Variants in FURIN observed in about 807,000 individuals in gnomAD.
FURIN encodes the protein furin, paired basic amino acid cleaving enzyme.
Under a neutral mutation model 89.2 loss-of-function variants are expected in FURIN, and 18 were observed. The observed-to-expected ratio is 0.20, with a 90% confidence interval of 0.14 to 0.30. The LOEUF is 0.30. FURIN is among the 10% of genes least tolerant of loss of function. The probability of loss-of-function intolerance (pLI) is 1.00; values close to 1 mark genes in which losing one functional copy is unlikely to be tolerated. For missense variants in FURIN, 879 were observed against 1,100.5 expected, an observed-to-expected ratio of 0.80 and a Z score of 2.85; for synonymous variants, 508 against 466.4, an observed-to-expected ratio of 1.09 and a Z score of -1.15.
chr15:90,876,856 C>T lies in FURIN; in HGVS notation c.373-40C>T. On this transcript the variant is annotated intron_variant, in intron 4 of 15. Transcript: ENST00000268171. The surrounding 1 kb of genome is among the most constrained non-coding windows in gnomAD (Gnocchi z 5.0). ...CAAGATGCTCCTAGCCTCACAAAACCAATCATGTCTCATAAGTGATGGGGT... is the reference window on the plus strand; with the variant it reads ...CAAGATGCTCCTAGCCTCACAAAACTAATCATGTCTCATAAGTGATGGGGT... 6.2e-7 allele frequency: 1 copy of T among 1,608,068 alleles called. No individual in the cohort carries two copies. The highest frequency in any genetic ancestry group is 2.2e-5 in the East Asian group (1 of 44,754).
At chr15:90,875,251 C>T (rs2151221807) in intron 1 of FURIN, among the ~76,000 whole-genome samples, 1 of 152,054 alleles carries the variant, frequency 6.6e-6, no homozygotes, top group South Asian at 2.1e-4. Flanking sequence ...GCCAGGCTGG[C>T]CTCGAACTCC....
rs759992438 is a variant in FURIN at position 90,881,761 on chromosome 15, C to T, written c.2268C>T (p.Leu756=). 3.1e-6 allele frequency: 5 copies of T among 1,612,154 alleles called. No individual in the cohort carries two copies. In the South Asian group the frequency reaches 3.3e-5, roughly 11 times the overall value. ...AGGTGTACACCATGGACCGTGGCCT[C>T]ATCTCCTACAAGGGGCTGCCCCCTG... The part of the protein sequence containing the change: ...GVKVYTMDRG[L]ISYKGLPPEA... Residue 756 remains leucine (L), a synonymous_variant, in exon 16 of 16, where the codon CTC becomes CTT. Transcript: ENST00000268171. The surrounding 1 kb of genome is among the most constrained non-coding windows in gnomAD (Gnocchi z 4.3).
In FURIN at chr15:90,876,423, C is replaced by T; in HGVS notation, c.277-39C>T. Reference sequence around the variant, plus strand: ...TGCTCTCAGGAGCCCCTCTCGCCTCCTGCTCCACCCACACCATCTCTCCCT... The same window carrying T: ...TGCTCTCAGGAGCCCCTCTCGCCTCTTGCTCCACCCACACCATCTCTCCCT... On this transcript the variant is annotated intron_variant, in intron 3 of 15. Transcript: ENST00000268171. The surrounding 1 kb of genome is among the most constrained non-coding windows in gnomAD (Gnocchi z 5.0). 1 of 1,562,584 alleles carries T rather than the reference C, an allele frequency of 6.4e-7. No individual in the cohort carries two copies. The highest frequency in any genetic ancestry group is 8.8e-7 in the Non-Finnish European group (1 of 1,133,174).
chr15:90,876,749 C>A lies in FURIN; in HGVS notation c.373-147C>A. 1.1e-6 allele frequency: 1 copy of A among 938,254 alleles called. No homozygotes were observed. Among genetic ancestry groups the A allele is most frequent in the Non-Finnish European group, 1.6e-6 (1 of 607,520 alleles). 58.1% of individuals were successfully genotyped at this position (938,254 alleles called of 1,614,324 possible). A position where few individuals can be genotyped will look rare whatever the true frequency, so the allele number is the denominator to read the frequency against. On this transcript the variant is annotated intron_variant, in intron 4 of 15. Transcript: ENST00000268171. This position sits in a 1 kb window ranked among gnomAD's most constrained non-coding sequence, Gnocchi z 5.0. ...GCCCTCCCAGAGTCCTCTACATTCC[C>A]ATGGAGTCCAGACAGCCAGTGGCGG...
At position 90,881,078 on chromosome 15, in the gene FURIN, T is replaced by A; in HGVS notation, c.1792+38T>A. ...TGCTGTTGGGCTTTGGGGGCCTGAG[T>A]CTGGGGGTAAGGCGGGTGCCTGTCC... On this transcript the variant is annotated intron_variant, in intron 15 of 15. Transcript: ENST00000268171. This position sits in a 1 kb window ranked among gnomAD's most constrained non-coding sequence, Gnocchi z 4.3. The A allele has an allele frequency of 6.8e-7, 1 of 1,470,846 alleles. No individual in the cohort carries two copies. The highest frequency in any genetic ancestry group is 9.5e-7 in the Non-Finnish European group (1 of 1,049,456). 91.1% of individuals were successfully genotyped at this position (1,470,846 alleles called of 1,614,324 possible). A position where few individuals can be genotyped will look rare whatever the true frequency, so the allele number is the denominator to read the frequency against.
At chr15:90,871,490 C>CCT (rs1373567681) in intron 1 of FURIN, 3 of 2,242 alleles carry the variant, frequency 1.3e-3, no homozygotes, top group East Asian at 0.014. Flanking sequence ...CGCGCTGGGG[C>CCT]CCACGGCGCT....
chr15:90,880,684 T>A lies in FURIN; in HGVS notation c.1557-7T>A, dbSNP rs1180349536. 1.2e-6 allele frequency: 2 copies of A among 1,610,568 alleles called. No individual in the cohort carries two copies. The highest frequency in any genetic ancestry group is 4.5e-5 in the East Asian group (2 of 44,862). ...GGCCTCAGGGCTGTGTGCACTCCCC[T>A]CCCCAGGCCACATGACTACTCCGCA... On this transcript the variant is annotated splice_polypyrimidine_tract_variant and splice_region_variant and intron_variant, in intron 13 of 15. Transcript: ENST00000268171.
rs1051491919 is a variant in FURIN at position 90,868,590 on chromosome 15, C to A, written c.-281C>A. On this transcript the variant is annotated 5_prime_UTR_variant, in exon 1 of 16. Coordinates refer to ENST00000268171, the MANE Select transcript of FURIN (RefSeq NM_002569.4). ...AGAAGGTTTTCCCAAAGTGGTTTAG[C>A]CAGAACTGGAAGGGCCCCGCCCTGT... The A allele has an allele frequency of 6.6e-6, 1 of 152,224 alleles. No individual in the cohort carries two copies. The highest frequency in any genetic ancestry group is 1.5e-5 in the Non-Finnish European group (1 of 68,074). The allele number at this position is 152,224 out of a possible 1,614,324, so 9.4% of individuals were successfully genotyped here.
intron 13 of FURIN, 131 bp downstream of exon 13, chr15:90,880,404 A>G: frequency 1.3e-6 from 1 of 782,628 alleles, no homozygotes; most frequent in South Asian, 1.8e-5. Context: ...GCATTTTGGG[A>G]GGGACAATTT....
chr15:90,875,781 C>T lies in FURIN; in HGVS notation c.41C>T (p.Thr14Ile), dbSNP rs2031579228. 3.9e-6 allele frequency: 6 copies of T among 1,556,914 alleles called. No homozygotes were observed. Among genetic ancestry groups the T allele is most frequent in the Non-Finnish European group, 5.2e-6 (6 of 1,149,492 alleles). The change falls in exon 2 of 16, where the codon ACA becomes ATA. Residue 14 changes from threonine to isoleucine, a missense_variant. Thr to Ile is a moderately conservative substitution (Grantham distance 89, BLOSUM62 -1). Around this residue, in one of 5 missense-constraint regions of FURIN, gnomAD observed 125 missense variants for 125.0 expected, o/e 1.00. Transcript: ENST00000268171. ...RPWLLWVVAATGTLVLLAADA... is the reference protein window; with the variant it reads ...RPWLLWVVAAIGTLVLLAADA... Reference sequence around the variant, plus strand: ...TGGTTGCTATGGGTGGTAGCAGCAACAGGAACCTTGGTCCTGCTAGCAGCT... The same window carrying T: ...TGGTTGCTATGGGTGGTAGCAGCAATAGGAACCTTGGTCCTGCTAGCAGCT...
chr15:90,870,502 G>A (rs1259561096), intron 1 of FURIN, among the ~76,000 whole-genome samples: 1 of 152,104 alleles, frequency 6.6e-6, no homozygotes, highest in East Asian at 1.9e-4. Context: ...GGGAACCTGT[G>A]TTAAGGAGGC....
Position 90,879,702 on chromosome 15 carries a change from C to T in FURIN, c.1186C>T (p.Leu396=), listed in dbSNP as rs199652570. ...KNLTWRDMQH[L]VVQTSKPAHL... ...CCTCACATGGCGGGACATGCAACACCTGGTGGTACAGACCTCGAAGCCAGC... is the reference window on the plus strand; with the variant it reads ...CCTCACATGGCGGGACATGCAACACTTGGTGGTACAGACCTCGAAGCCAGC... Residue 396 remains leucine, a synonymous_variant, in exon 11 of 16, where the codon CTG becomes TTG. Coordinates refer to ENST00000268171, the MANE Select transcript of FURIN (RefSeq NM_002569.4). 1 of 1,613,720 alleles carries T rather than the reference C, an allele frequency of 6.2e-7. No homozygotes were observed. The highest frequency in any genetic ancestry group is 1.7e-5 in the Admixed American group (1 of 60,028).
chr15:90,879,520 T>C lies in FURIN; in HGVS notation c.1130T>C (p.Ile377Thr), dbSNP rs2031819341. 6.2e-7 allele frequency: 1 copy of C among 1,612,722 alleles called. No homozygotes were observed. The highest frequency in any genetic ancestry group is 1.7e-5 in the Admixed American group (1 of 60,008). The change falls in exon 10 of 16, where the codon ATC becomes ACC. Residue 377 changes from isoleucine (I) to threonine (T), a missense_variant. Ile to Thr is a moderately conservative substitution (Grantham distance 89, BLOSUM62 -1). Coordinates refer to ENST00000268171, the MANE Select transcript of FURIN (RefSeq NM_002569.4). The part of the protein sequence containing the change: ...TSASAPLAAG[I>T]IALTLEANKN... ...GCCTCTGCCCCCTTAGCAGCCGGCA[T>C]CATTGCTCTCACCCTGGAGGCCAAG...
rs765554562 is a variant in FURIN at position 90,877,024 on chromosome 15, T to C, written c.501T>C (p.Tyr167=). The change falls in exon 5 of 16, where the codon TAT becomes TAC. Residue 167 remains tyrosine, a splice_region_variant and synonymous_variant. Coordinates refer to ENST00000268171, the MANE Select transcript of FURIN (RefSeq NM_002569.4). ...EKNHPDLAGN[Y]DPGASFDVND... ...ACCACCCGGACTTGGCAGGCAATTA[T>C]GTGAGGAAGTCGGGGAGGGAGGCCG... 6 of 1,614,120 alleles carry C rather than the reference T, an allele frequency of 3.7e-6. No individual in the cohort carries two copies. In the Admixed American group the frequency reaches 8.3e-5, roughly 22 times the overall value.
Position 90,881,672 on chromosome 15 carries a change from C to T in FURIN, c.2179C>T (p.Leu727=). ...CGGCCTCAGCTGCGCCTTCATCGTG[C>T]TGGTCTTCGTCACTGTCTTCCTGGT... ...VAGLSCAFIV[L]VFVTVFLVLQ... is the part of the protein sequence containing the mutation. Residue 727 remains leucine (L), a synonymous_variant, in exon 16 of 16, where the codon CTG becomes TTG. Coordinates refer to ENST00000268171, the MANE Select transcript of FURIN (RefSeq NM_002569.4). This position sits in a 1 kb window ranked among gnomAD's most constrained non-coding sequence, Gnocchi z 4.3. 1.3e-6 allele frequency: 2 copies of T among 1,586,310 alleles called. No individual in the cohort carries two copies. Among genetic ancestry groups the T allele is most frequent in the South Asian group, 1.1e-5 (1 of 87,194 alleles).
chr15:90,877,170 C>T lies in FURIN; in HGVS notation c.537C>T (p.Asp179=), dbSNP rs1171290789. Residue 179 remains aspartate, a synonymous_variant, in exon 6 of 16, where the codon GAC becomes GAT. Coordinates refer to ENST00000268171, the MANE Select transcript of FURIN (RefSeq NM_002569.4). The part of the protein sequence containing the change: ...PGASFDVNDQ[D]PDPQPRYTQM... ...CCAGTTTTGATGTCAATGACCAGGA[C>T]CCTGACCCCCAGCCTCGGTACACAC... 3 of 1,612,200 alleles carry T rather than the reference C, an allele frequency of 1.9e-6. No individual in the cohort carries two copies. Among genetic ancestry groups the T allele is most frequent in the Non-Finnish European group, 2.5e-6 (3 of 1,179,030 alleles).
At position 90,876,231 on chromosome 15, in the gene FURIN, C is replaced by T. The variant is rs534909142; in HGVS notation, c.178-24C>T. 90 of 1,483,530 alleles carry T rather than the reference C, an allele frequency of 6.1e-5. 1 individual carries two copies. The South Asian group carries it at 9.8e-4, about 16-fold the overall frequency. The allele number at this position is 1,483,530 out of a possible 1,614,324, so 91.9% of individuals were successfully genotyped here. A position where few individuals can be genotyped will look rare whatever the true frequency, so the allele number is the denominator to read the frequency against. On this transcript the variant is annotated intron_variant, in intron 2 of 15. Transcript: ENST00000268171. The surrounding 1 kb of genome is among the most constrained non-coding windows in gnomAD (Gnocchi z 5.0). ...GGGGACTGACAGATGGAAAGCCCAG[C>T]TCAGTCTCCCTGCTCTATTGCAGAT...
intron 1 of FURIN, among the ~76,000 whole-genome samples, chr15:90,871,239 G>A (rs2031271684): frequency 1.3e-5 from 2 of 152,316 alleles, no homozygotes; most frequent in East Asian, 3.9e-4. Flanking sequence ...AGGGCTCGGA[G>A]TGCCTCCCCC....
chr15:90,879,414 C>G (rs1567084176), intron 9 of FURIN, 30 bp from the exon 10 acceptor site: 1 of 1,518,720 alleles, frequency 6.6e-7, no homozygotes, highest in Non-Finnish European at 9.1e-7. Flanking sequence ...CCACCCATCA[C>G]AGGCCCCAAT....
Sources: allele counts gnomAD v4.1 joint callset (sites outside exome capture counted in the v4.1 genomes callset), GRCh38; gene constraint gnomAD v4.1.1; regional missense constraint gnomAD v4.1.1; non-coding constraint Gnocchi (gnomAD v3.1); transcripts MANE v1.5; gene names NCBI Gene and HGNC (gene_info 2026-07-23, HGNC 2026-07-21).